Variants in TENM4 observed in about 807,000 individuals in gnomAD.
The protein encoded by TENM4 is teneurin-4.
TENM4 carries 82 observed loss-of-function variants against 243.3 expected under a neutral mutation model. That is an observed-to-expected ratio of 0.34 (90% confidence interval 0.28 to 0.40). The LOEUF is 0.40. Among genes scored for constraint, TENM4 ranks in the 10% least tolerant of loss-of-function variants. The probability of loss-of-function intolerance (pLI) is 1.00; values close to 1 mark genes in which losing one functional copy is unlikely to be tolerated. For missense variants in TENM4, 3,138 were observed against 3,673.3 expected, an observed-to-expected ratio of 0.85 and a Z score of 3.77; for synonymous variants, 1,412 against 1,456.3, an observed-to-expected ratio of 0.97 and a Z score of 0.69.
intron 32 of TENM4, among the ~76,000 whole-genome samples, chr11:78,665,419 G>A (rs1200471524): frequency 6.6e-6 from 1 of 151,962 alleles, no homozygotes; most frequent in African/African-American, 2.4e-5. Context: ...TTACAGGTGT[G>A]CGCCACCACG....
chr11:78,955,902 C>T (rs2136510048), intron 6 of TENM4, among the ~76,000 whole-genome samples: 1 of 152,182 alleles, frequency 6.6e-6, no homozygotes. Context: ...TGGTCTGCCC[C>T]AGGTGGAAGG....
At chr11:79,367,213 T>C (rs1857693216) in intron 1 of TENM4, among the ~76,000 whole-genome samples, 1 of 152,212 alleles carries the variant, frequency 6.6e-6, no homozygotes, top group Non-Finnish European at 1.5e-5. Context: ...GAAGATGAAG[T>C]GAATCTATGG....
chr11:79,313,445 C>A (rs1856753650), intron 1 of TENM4, among the ~76,000 whole-genome samples: 2 of 152,204 alleles, frequency 1.3e-5, no homozygotes, highest in Non-Finnish European at 2.9e-5. Flanking sequence ...CCTACACAAT[C>A]ATTTCCAATG....
intron 1 of TENM4, chr11:79,402,011 C>T: frequency 2.5e-6 from 1 of 396,724 alleles, no homozygotes; most frequent in Non-Finnish European, 5.7e-6. Context: ...AGAGAGATGA[C>T]TAGGGTAAGG....
intron 18 of TENM4, among the ~76,000 whole-genome samples, chr11:78,769,404 T>A (rs542220590): frequency 6.6e-6 from 1 of 152,060 alleles, no homozygotes; most frequent in East Asian, 2.0e-4. Flanking sequence ...TTCTGATGAA[T>A]GCTTTCCTAC....
intron 3 of TENM4, among the ~76,000 whole-genome samples, chr11:79,205,328 A>T (rs1015853208): frequency 6.6e-6 from 1 of 152,148 alleles, no homozygotes; most frequent in Non-Finnish European, 1.5e-5. Context: ...CAAATGTCCC[A>T]TTTTACTGGT....
chr11:78,835,199 T>C (rs1858074562), intron 12 of TENM4, among the ~76,000 whole-genome samples: 1 of 152,166 alleles, frequency 6.6e-6, no homozygotes, highest in East Asian at 1.9e-4. Context: ...AAGCTCTCTT[T>C]TCCCTCAGCT....
rs547533824 is a variant in TENM4, at chr11:78,676,119, C to A, written c.5496+33G>T. 3.2e-5 allele frequency: 47 copies of A among 1,457,982 alleles called. No homozygotes were observed. In the Admixed American group the frequency reaches 4.1e-4, roughly 13 times the overall value. The allele number at this position is 1,457,982 out of a possible 1,614,324, so 90.3% of individuals were successfully genotyped here. A position where few individuals can be genotyped will look rare whatever the true frequency, so the allele number is the denominator to read the frequency against. ...TCTCCCGTTCCCCATTCTTTCCCCC[C>A]AGGACGCAGCCACCTCCAGAGGCCT... On this transcript the variant is annotated intron_variant, in intron 30 of 33. Transcript: ENST00000278550.
At chr11:79,351,013 C>T (rs1206773639) in intron 1 of TENM4, among the ~76,000 whole-genome samples, 15 of 152,068 alleles carry the variant, frequency 9.9e-5, no homozygotes, top group East Asian at 1.9e-4. Flanking sequence ...TTGACCTCCC[C>T]GGCCATACTC....
At chr11:79,308,119 G>A (rs1419581302) in intron 1 of TENM4, among the ~76,000 whole-genome samples, 1 of 152,236 alleles carries the variant, frequency 6.6e-6, no homozygotes, top group African/African-American at 2.4e-5. Context: ...GCTTGGCACT[G>A]AATGAGGAGC....
intron 1 of TENM4, among the ~76,000 whole-genome samples, chr11:79,359,699 G>T (rs1489435157): frequency 6.6e-6 from 1 of 152,278 alleles, no homozygotes. Context: ...AAGCAGGGCA[G>T]TTACCTAGAG....
chr11:78,845,573 T>A (rs999879932), intron 12 of TENM4, among the ~76,000 whole-genome samples: 1 of 152,168 alleles, frequency 6.6e-6, no homozygotes, highest in Non-Finnish European at 1.5e-5. Flanking sequence ...GAGATTCACA[T>A]GTTACTTGCA....
intron 3 of TENM4, among the ~76,000 whole-genome samples, chr11:79,186,674 G>A (rs758263289): frequency 6.6e-5 from 10 of 152,208 alleles, no homozygotes; most frequent in Non-Finnish European, 1.3e-4. Flanking sequence ...GGGGGATTGG[G>A]TAGGATGATG....
At position 78,891,318 on chromosome 11, in the gene TENM4, T is replaced by C. The variant is rs1228595006; in HGVS notation, c.768A>G (p.Pro256=). 6.4e-7 allele frequency: 1 copy of C among 1,551,500 alleles called. No homozygotes were observed. The highest frequency in any genetic ancestry group is 8.7e-7 in the Non-Finnish European group (1 of 1,146,984). Residue 256 remains proline, a synonymous_variant, in exon 8 of 34, where the codon CCA becomes CCG. Transcript: ENST00000278550. ...GGTTGTCCTGCAATGTCCCTAGGAA[T>C]GGCTGCTTGCCTAGGTTTCTACGCA... The part of the protein sequence containing the change: ...PLETRNLGKQ[P]FLGTLQDNLI...
At chr11:78,995,281 C>G (rs1858144001) in intron 6 of TENM4, among the ~76,000 whole-genome samples, 1 of 152,132 alleles carries the variant, frequency 6.6e-6, no homozygotes, top group South Asian at 2.1e-4. Context: ...CAGATCAGCT[C>G]TTAAAGGGGT....
chr11:79,171,604 T>C (rs1863041904), intron 3 of TENM4, among the ~76,000 whole-genome samples: 1 of 152,198 alleles, frequency 6.6e-6, no homozygotes, highest in South Asian at 2.1e-4. Flanking sequence ...GAAGAGGATC[T>C]GGGAAACAGA....
chr11:79,252,068 G>T (rs1159821379), intron 2 of TENM4, among the ~76,000 whole-genome samples: 1 of 152,078 alleles, frequency 6.6e-6, no homozygotes, highest in Non-Finnish European at 1.5e-5. Flanking sequence ...GAATAAAAAG[G>T]GCAAAGAAAA....
intron 4 of TENM4, among the ~76,000 whole-genome samples, chr11:79,084,923 C>A (rs553834617): frequency 6.6e-6 from 1 of 152,250 alleles, no homozygotes; most frequent in East Asian, 1.9e-4. Context: ...ATTGTATCAA[C>A]GTCAACATCC....
intron 16 of TENM4, among the ~76,000 whole-genome samples, chr11:78,781,325 C>A (rs1388234560): frequency 6.6e-6 from 1 of 152,176 alleles, no homozygotes; most frequent in Non-Finnish European, 1.5e-5. Context: ...AAGATGATGG[C>A]AGTAGGCATC....
Sources: allele counts gnomAD v4.1 joint callset (sites outside exome capture counted in the v4.1 genomes callset), GRCh38; gene constraint gnomAD v4.1.1; transcripts MANE v1.5; gene names NCBI Gene and HGNC (gene_info 2026-07-23, HGNC 2026-07-21).